ARHGAP26: variants seen among roughly 807,000 people sequenced by gnomAD.
ARHGAP26 encodes the protein Rho GTPase activating protein 26, also known as rho GTPase-activating protein 26.
In ARHGAP26, 38 loss-of-function variants were observed where a neutral mutation model predicts 104.8. The ratio of observed to expected loss-of-function variants is 0.36; its 90% confidence interval spans 0.28 to 0.48. ARHGAP26 has a LOEUF of 0.48. Ranked by LOEUF, ARHGAP26 falls within the 20% of genes least tolerant of loss-of-function variation. The pLI, the probability that ARHGAP26 is intolerant of heterozygous loss-of-function variation, is 0.99. For synonymous variants in ARHGAP26, 341 were observed against 340.0 expected, an observed-to-expected ratio of 1.00 and a Z score of -0.03; for missense variants, 704 against 947.9, an observed-to-expected ratio of 0.74 and a Z score of 3.38.
At chr5:143,013,968 C>A in intron 11 of ARHGAP26, 112 bp from the exon 12 acceptor site, 1 of 1,021,382 alleles carries the variant, frequency 9.8e-7, no homozygotes, top group Non-Finnish European at 1.5e-6. Context: ...CAGAAATTAC[C>A]TTCCACTTCA....
In ARHGAP26 at chr5:142,913,300, A is replaced by G; in HGVS notation, c.1028+7A>G. The stretch of plus-strand genomic sequence containing the variant: ...ATGTGGAAGCAGTAGACAGGTGAGT[A>G]GCTAGCATGCTTTTCTCAGGAGCAA... On this transcript the variant is annotated splice_region_variant and intron_variant, in intron 10 of 22. Coordinates refer to ENST00000645722, the MANE Select transcript of ARHGAP26 (RefSeq NM_001135608.3). 2 of 1,612,780 alleles carry G rather than the reference A, an allele frequency of 1.2e-6. No homozygotes were observed. Among genetic ancestry groups the G allele is most frequent in the Non-Finnish European group, 1.7e-6 (2 of 1,178,736 alleles).
At chr5:143,180,388 T>C (rs904918590) in intron 20 of ARHGAP26, among the ~76,000 whole-genome samples, 1 of 152,300 alleles carries the variant, frequency 6.6e-6, no homozygotes, top group African/African-American at 2.4e-5. Context: ...CCTCCCAAAG[T>C]GCTGGGATTA....
At chr5:143,018,732 T>C (rs1479483396) in intron 12 of ARHGAP26, among the ~76,000 whole-genome samples, 2 of 152,356 alleles carry the variant, frequency 1.3e-5, no homozygotes, top group South Asian at 4.1e-4. Context: ...TTTTTAATAA[T>C]AACTTTGAGG....
At chr5:142,973,690 G>C (rs1772611051) in intron 11 of ARHGAP26, among the ~76,000 whole-genome samples, 1 of 152,140 alleles carries the variant, frequency 6.6e-6, no homozygotes, top group Non-Finnish European at 1.5e-5. Flanking sequence ...CATGGGTGTG[G>C]TTTTAGTAGC....
chr5:143,216,884 T>C (rs1422904188), intron 22 of ARHGAP26: 1 of 152,528 alleles, frequency 6.6e-6, no homozygotes, highest in Non-Finnish European at 1.5e-5. Flanking sequence ...ATTAGGTCTT[T>C]TTTCCAGAGG....
At chr5:143,075,762 G>C (rs1285290467) in intron 17 of ARHGAP26, among the ~76,000 whole-genome samples, 1 of 149,238 alleles carries the variant, frequency 6.7e-6, no homozygotes, top group Non-Finnish European at 1.5e-5. Flanking sequence ...GCAGTGGCGT[G>C]ATCTGAGCTA....
chr5:143,000,044 G>C (rs891297336), intron 11 of ARHGAP26, among the ~76,000 whole-genome samples: 3 of 152,176 alleles, frequency 2.0e-5, no homozygotes, highest in Non-Finnish European at 2.9e-5. Flanking sequence ...TGCAGTTTGA[G>C]ACTATAATAA....
Position 143,117,826 on chromosome 5 carries a change from T to C in ARHGAP26, c.1539-3162T>C, listed in dbSNP as rs1022387744. Among the ~76,000 whole-genome samples the C allele has an allele frequency of 5.9e-5, 9 of 152,330 alleles. No homozygotes were observed. In the South Asian group the frequency reaches 1.0e-3, roughly 18 times the overall value. On this transcript the variant is annotated intron_variant, in intron 17 of 22. Coordinates refer to ENST00000645722, the MANE Select transcript of ARHGAP26 (RefSeq NM_001135608.3). ...TTGAGATACATTCCCCAAAAATCAT[T>C]TGAAGTTTAATGAGTAAGTAGCTGG...
At chr5:142,778,038 G>A (rs2151829107) in intron 1 of ARHGAP26, among the ~76,000 whole-genome samples, 1 of 152,302 alleles carries the variant, frequency 6.6e-6, no homozygotes, top group Admixed American at 6.5e-5. Context: ...GAGAGATGAT[G>A]GCACCGTGGG....
chr5:142,992,517 T>A (rs1775766565), intron 11 of ARHGAP26, among the ~76,000 whole-genome samples: 1 of 151,826 alleles, frequency 6.6e-6, no homozygotes. Context: ...CACTGCAACC[T>A]CCTGGGTTCA....
intron 9 of ARHGAP26, among the ~76,000 whole-genome samples, chr5:142,911,455 A>G (rs1245024043): frequency 6.6e-6 from 1 of 152,178 alleles, no homozygotes; most frequent in African/African-American, 2.4e-5. Context: ...AGCTCAAGAA[A>G]GCTTTTCCTA....
chr5:142,797,789 C>T (rs567319205), intron 1 of ARHGAP26, among the ~76,000 whole-genome samples: 1 of 152,282 alleles, frequency 6.6e-6, no homozygotes, highest in African/African-American at 2.4e-5. Context: ...TGATAATCTC[C>T]AAAGACCAGT....
At chr5:142,908,715 A>G (rs1350342145) in intron 9 of ARHGAP26, 1 of 166,216 alleles carries the variant, frequency 6.0e-6, no homozygotes, top group Non-Finnish European at 1.5e-5. Context: ...AGGGGCATCA[A>G]AGTCTCATTG....
At chr5:142,996,889 T>G (rs1005914063) in intron 11 of ARHGAP26, among the ~76,000 whole-genome samples, 2 of 151,904 alleles carry the variant, frequency 1.3e-5, no homozygotes, top group African/African-American at 2.4e-5. Flanking sequence ...AGTAAAGAGG[T>G]CCAAGGAGGA....
At chr5:142,864,811 A>G (rs1033694866) in intron 1 of ARHGAP26, among the ~76,000 whole-genome samples, 7 of 152,108 alleles carry the variant, frequency 4.6e-5, no homozygotes, top group Non-Finnish European at 8.8e-5. Flanking sequence ...AGTTACATAC[A>G]TGCTTGGAAA....
chr5:142,905,867 C>T (rs1233548934), intron 8 of ARHGAP26, among the ~76,000 whole-genome samples: 1 of 152,318 alleles, frequency 6.6e-6, no homozygotes, highest in East Asian at 1.9e-4. Flanking sequence ...ATCTGAACTA[C>T]AGTCCGTATT....
intron 17 of ARHGAP26, among the ~76,000 whole-genome samples, chr5:143,083,865 C>T (rs1414632647): frequency 2.6e-5 from 4 of 152,180 alleles, no homozygotes; most frequent in Admixed American, 1.3e-4. Context: ...ACTTATCCCT[C>T]TAATAAGAAA....
chr5:142,910,504 T>G (rs893052424), intron 9 of ARHGAP26, among the ~76,000 whole-genome samples: 1 of 152,226 alleles, frequency 6.6e-6, no homozygotes, highest in African/African-American at 2.4e-5. Flanking sequence ...CTTGGGAGGC[T>G]GAGGCAGGTG....
At chr5:143,001,042 A>T (rs1420031082) in intron 11 of ARHGAP26, among the ~76,000 whole-genome samples, 1 of 152,226 alleles carries the variant, frequency 6.6e-6, no homozygotes, top group Non-Finnish European at 1.5e-5. Flanking sequence ...CTTAAAAAAA[A>T]AAATTTATGC....
Sources: allele counts gnomAD v4.1 joint callset (sites outside exome capture counted in the v4.1 genomes callset), GRCh38; gene constraint gnomAD v4.1.1; transcripts MANE v1.5; gene names NCBI Gene and HGNC (gene_info 2026-07-23, HGNC 2026-07-21).